REXO2: variants seen among roughly 807,000 people sequenced by gnomAD.
REXO2 encodes the protein oligoribonuclease, mitochondrial.
REXO2 carries 17 observed loss-of-function variants against 30.9 expected under a neutral mutation model. That is an observed-to-expected ratio of 0.55 (90% confidence interval 0.38 to 0.82). REXO2 has a LOEUF of 0.82. REXO2 is among the 40% of genes least tolerant of loss of function. The pLI is 0.00. For missense variants in REXO2, 253 were observed against 293.2 expected, an observed-to-expected ratio of 0.86 and a Z score of 1.00; for synonymous variants, 105 against 99.6, an observed-to-expected ratio of 1.05 and a Z score of -0.32.
intron 6 of REXO2, chr11:114,449,027 A>T (rs1440410995): frequency 2.6e-5 from 4 of 152,264 alleles, no homozygotes; most frequent in Non-Finnish European, 5.9e-5. Flanking sequence ...TTGTGCAGGG[A>T]ATTCTCTAGA....
At position 114,450,041 on chromosome 11, in the gene REXO2, C is replaced by T. The variant is rs1304513763; in HGVS notation, c.*66C>T. 47 of 1,505,322 alleles carry T rather than the reference C, an allele frequency of 3.1e-5. No individual in the cohort carries two copies. The highest frequency in any genetic ancestry group is 5.7e-5 in the African/African-American group (4 of 70,190). The allele number at this position is 1,505,322 out of a possible 1,614,324, so 93.2% of individuals were successfully genotyped here. On this transcript the variant is annotated 3_prime_UTR_variant, in exon 7 of 7. Transcript: ENST00000265881. The stretch of plus-strand genomic sequence containing the variant: ...AACTTCTGGTGGTTTTTTTTTCTCA[C>T]GCTGATGGCTTGGCAGAGCACCTTC...
chr11:114,439,806 G>A, intron 1 of REXO2, 131 bp downstream of exon 1: 3 of 1,083,446 alleles, frequency 2.8e-6, no homozygotes, highest in Non-Finnish European at 3.8e-6. Flanking sequence ...GGCCGGCCAC[G>A]GGCGGTGCAG....
At position 114,439,506 on chromosome 11, in the gene REXO2, G is replaced by C. The variant is rs371390839; in HGVS notation, c.-23G>C. 1.9e-6 allele frequency: 3 copies of C among 1,601,374 alleles called. No individual in the cohort carries two copies. Among genetic ancestry groups the C allele is most frequent in the Non-Finnish European group, 2.5e-6 (3 of 1,178,550 alleles). On this transcript the variant is annotated 5_prime_UTR_variant, in exon 1 of 7. Coordinates refer to ENST00000265881, the MANE Select transcript of REXO2 (RefSeq NM_015523.4). The stretch of plus-strand genomic sequence containing the variant: ...CGCCAGCGCCGGCTGCGAGACTGGG[G>C]CCGTGGCTGCTGGTCCCGGGTGATG...
At chr11:114,440,880 G>T (rs983625418) in intron 2 of REXO2, 141 bp downstream of exon 2, 2 of 577,472 alleles carry the variant, frequency 3.5e-6, no homozygotes, top group Admixed American at 3.3e-5. Flanking sequence ...CATGGTAGGG[G>T]TGGTACTAGA....
intron 4 of REXO2, among the ~76,000 whole-genome samples, chr11:114,444,960 G>A (rs561717552): frequency 4.6e-5 from 7 of 152,196 alleles, no homozygotes; most frequent in Non-Finnish European, 7.4e-5. Context: ...ACCTTGTGTC[G>A]TATTTGTTTT....
chr11:114,444,449 C>G (rs1173241100), intron 3 of REXO2, 92 bp from the exon 4 acceptor site: 3 of 862,840 alleles, frequency 3.5e-6, no homozygotes, highest in Non-Finnish European at 5.8e-6. Flanking sequence ...GTTATATTTG[C>G]CCATTTTAAA....
intron 2 of REXO2, 122 bp downstream of exon 2, chr11:114,440,861 G>A: frequency 1.4e-6 from 1 of 693,606 alleles, no homozygotes. Flanking sequence ...TTAAGGTAAT[G>A]TGCTAGGTCA....
At chr11:114,440,817 A>G (rs1402224839) in intron 2 of REXO2, 78 bp downstream of exon 2, 11 of 1,171,266 alleles carry the variant, frequency 9.4e-6, no homozygotes, top group African/African-American at 4.6e-5. Context: ...CAGCTTCTTT[A>G]TTTAAAAAAT....
In REXO2 at chr11:114,446,101, T is replaced by G. The variant is rs1262123142; in HGVS notation, c.530+14T>G. 2.3e-6 allele frequency: 3 copies of G among 1,329,076 alleles called. No homozygotes were observed. The highest frequency in any genetic ancestry group is 3.2e-6 in the Non-Finnish European group (3 of 947,808). The allele number at this position is 1,329,076 out of a possible 1,614,324, so 82.3% of individuals were successfully genotyped here. ...AGAACTGTGCAGGTAAGGGCTATAT[T>G]TAGGATCCATTAAATTACCTCATTT... On this transcript the variant is annotated intron_variant, in intron 5 of 6. Coordinates refer to ENST00000265881, the MANE Select transcript of REXO2 (RefSeq NM_015523.4).
chr11:114,442,349 ATT>A (rs1184004637), intron 2 of REXO2, among the ~76,000 whole-genome samples: 2 of 151,914 alleles, frequency 1.3e-5, no homozygotes, highest in African/African-American at 4.8e-5. Context: ...TTTTTCCATC[ATT>A]GTTAGTATTT....
chr11:114,440,753 TGTAATACAGTCATA>T lies in REXO2; in HGVS notation c.231+15_231+28del, dbSNP rs1178569106. On this transcript the variant is annotated intron_variant, in intron 2 of 6. Coordinates refer to ENST00000265881, the MANE Select transcript of REXO2 (RefSeq NM_015523.4). ...ATTTTGGCTGAAGTACGTGATGCCA[TGTAATACAGTCATA>T]CTTTTTAAAGGGCACTGGAAATATA... 2 of 1,556,658 alleles carry T rather than the reference TGTAATACAGTCATA, an allele frequency of 1.3e-6. No individual in the cohort carries two copies. The highest frequency in any genetic ancestry group is 1.8e-6 in the Non-Finnish European group (2 of 1,129,076).
At chr11:114,445,920 G>A in intron 4 of REXO2, 59 bp from the exon 5 acceptor site, 1 of 889,320 alleles carries the variant, frequency 1.1e-6, no homozygotes, top group Middle Eastern at 2.6e-4. Context: ...TATGAATTTT[G>A]ATATCCTGTT....
chr11:114,442,958 G>C (rs191954144), intron 2 of REXO2, among the ~76,000 whole-genome samples: 1 of 151,912 alleles, frequency 6.6e-6, no homozygotes, highest in Non-Finnish European at 1.5e-5. Context: ...TTGGATTTTT[G>C]TCCTGTTCTA....
At chr11:114,448,224 G>T (rs1946523791) in intron 6 of REXO2, among the ~76,000 whole-genome samples, 2 of 152,078 alleles carry the variant, frequency 1.3e-5, no homozygotes, top group Non-Finnish European at 2.9e-5. Context: ...CTTTTTGTGT[G>T]CAATTCTATA....
intron 1 of REXO2, 44 bp downstream of exon 1, chr11:114,439,719 C>T: frequency 6.9e-7 from 1 of 1,444,938 alleles, no homozygotes; most frequent in Non-Finnish European, 9.1e-7. Flanking sequence ...AGTGAGGTTT[C>T]GCTCGTGGAA....
At chr11:114,439,770 G>A in intron 1 of REXO2, 95 bp downstream of exon 1, 1 of 1,390,956 alleles carries the variant, frequency 7.2e-7, no homozygotes, top group Non-Finnish European at 9.4e-7. Flanking sequence ...TTGGGGGTCT[G>A]GGTCTCAGGT....
Position 114,450,100 on chromosome 11 carries a change from C to CAGA in REXO2, c.*126_*128dup, listed in dbSNP as rs2134789647. 3.3e-6 allele frequency: 3 copies of CAGA among 906,026 alleles called. No individual in the cohort carries two copies. 56.1% of individuals were successfully genotyped at this position (906,026 alleles called of 1,614,324 possible). On this transcript the variant is annotated 3_prime_UTR_variant, in exon 7 of 7. Transcript: ENST00000265881. ...TGCATCTCCAGATTGATTACTCAAG[C>CAGA]AGACAGCACACGAAATACTATTTTT...
chr11:114,449,143 T>C (rs1946530025), intron 6 of REXO2: 1 of 152,216 alleles, frequency 6.6e-6, no homozygotes, highest in Non-Finnish European at 1.5e-5. Context: ...AAACAACATA[T>C]TGGAAGAAAA....
intron 2 of REXO2, among the ~76,000 whole-genome samples, chr11:114,442,692 A>C (rs927686952): frequency 2.2e-4 from 33 of 152,132 alleles, no homozygotes; most frequent in Non-Finnish European, 1.5e-5. Context: ...CATTTCTATG[A>C]GGGAAGGGGT....
Sources: allele counts gnomAD v4.1 joint callset (sites outside exome capture counted in the v4.1 genomes callset), GRCh38; gene constraint gnomAD v4.1.1; transcripts MANE v1.5; gene names NCBI Gene and HGNC (gene_info 2026-07-23, HGNC 2026-07-21).